RAE1: variants seen among roughly 807,000 people sequenced by gnomAD.
RAE1 encodes the protein ribonucleic acid export 1.
In RAE1, 13 loss-of-function variants were observed where a neutral mutation model predicts 52.7. The observed-to-expected ratio is 0.25, with a 90% CI of 0.16 to 0.39. RAE1 has a LOEUF of 0.39. Ranked by LOEUF, RAE1 falls within the 10% of genes least tolerant of loss-of-function variation. The pLI is 1.00. For missense variants in RAE1, 262 were observed against 459.8 expected, an observed-to-expected ratio of 0.57 and a Z score of 3.93; for synonymous variants, 164 against 153.1, an observed-to-expected ratio of 1.07 and a Z score of -0.52.
At chr20:57,362,495 G>A (rs969289914) in intron 4 of RAE1, among the ~76,000 whole-genome samples, 5 of 152,154 alleles carry the variant, frequency 3.3e-5, no homozygotes, top group Non-Finnish European at 5.9e-5. Context: ...TTTACTGATC[G>A]GGCAACGGGT....
In RAE1 at chr20:57,378,003, C is replaced by T. The variant is rs200166954; in HGVS notation, c.1021-10C>T. 66 of 1,573,098 alleles carry T rather than the reference C, an allele frequency of 4.2e-5. No individual in the cohort carries two copies. The Middle Eastern group carries it at 2.0e-3, about 48-fold the overall frequency. On this transcript the variant is annotated splice_polypyrimidine_tract_variant and intron_variant, in intron 11 of 11. Coordinates refer to ENST00000395841, the MANE Select transcript of RAE1 (RefSeq NM_003610.4). ...ATAATAAGATCATTGGTGTTTTTTG[C>T]TCTCTTTAGGGACATGAATTTTATA...
intron 8 of RAE1, chr20:57,371,575 G>A (rs1457161366): frequency 1.3e-5 from 2 of 152,160 alleles, no homozygotes; most frequent in African/African-American, 4.8e-5. Context: ...CGCTGGGGAG[G>A]GTGTGGGGAA....
chr20:57,351,775 C>A (rs978395188), intron 1 of RAE1: 80 of 985,358 alleles, frequency 8.1e-5, no homozygotes, highest in Non-Finnish European at 8.4e-5. Context: ...GAAGGGCGTC[C>A]CCTTTTAGCC....
intron 1 of RAE1, chr20:57,351,952 C>T (rs2066716499): frequency 3.0e-6 from 3 of 985,344 alleles, no homozygotes; most frequent in Non-Finnish European, 2.4e-6. Context: ...CGCCCTGGGC[C>T]AGGCATTGTA....
At chr20:57,355,016 A>T (rs1247401498) in intron 3 of RAE1, among the ~76,000 whole-genome samples, 200 bp downstream of exon 3, 1 of 152,200 alleles carries the variant, frequency 6.6e-6, no homozygotes, top group Non-Finnish European at 1.5e-5. Flanking sequence ...AAGCACAATC[A>T]TATGTGTTGC....
intron 11 of RAE1, 59 bp downstream of exon 11, chr20:57,374,860 C>T: frequency 1.9e-6 from 3 of 1,590,698 alleles, no homozygotes. Context: ...GCTCTGGGTT[C>T]AGAAGGCCTA....
intron 4 of RAE1, among the ~76,000 whole-genome samples, chr20:57,364,914 A>G (rs2066934414): frequency 6.6e-6 from 1 of 152,214 alleles, no homozygotes; most frequent in African/African-American, 2.4e-5. Flanking sequence ...TTGTATATAG[A>G]GAGAAAGATA....
chr20:57,368,252 A>T (rs2146163793), intron 7 of RAE1, among the ~76,000 whole-genome samples: 1 of 152,332 alleles, frequency 6.6e-6, no homozygotes, highest in South Asian at 2.1e-4. Flanking sequence ...GACACAGATA[A>T]ATAAACCCTG....
chr20:57,373,757 T>C lies in RAE1; in HGVS notation c.825+19T>C, dbSNP rs372001345. 2 of 1,603,972 alleles carry C rather than the reference T, an allele frequency of 1.2e-6. No homozygotes were observed. The highest frequency in any genetic ancestry group is 1.7e-4 in the Middle Eastern group (1 of 6,042). Reference sequence around the variant, plus strand: ...TTATGCGGTACGTTTTTAGACACTTTAACCGTGGTAATACATCTGGAAACC... The same window carrying C: ...TTATGCGGTACGTTTTTAGACACTTCAACCGTGGTAATACATCTGGAAACC... On this transcript the variant is annotated intron_variant, in intron 10 of 11. Coordinates refer to ENST00000395841, the MANE Select transcript of RAE1 (RefSeq NM_003610.4).
chr20:57,354,904 G>C (rs1459780168), intron 3 of RAE1, 88 bp downstream of exon 3: 2 of 980,890 alleles, frequency 2.0e-6, no homozygotes, highest in Non-Finnish European at 2.9e-6. Flanking sequence ...CCAAGTAAAT[G>C]AATCAGTTGG....
chr20:57,363,147 T>G (rs563476358), intron 4 of RAE1, among the ~76,000 whole-genome samples: 31 of 152,338 alleles, frequency 2.0e-4, no homozygotes, highest in African/African-American at 7.2e-4. Flanking sequence ...CTCATCCAAT[T>G]GAGGCCTGGG....
chr20:57,358,321 T>G (rs1332905088), intron 4 of RAE1: 1 of 152,264 alleles, frequency 6.6e-6, no homozygotes, highest in African/African-American at 2.4e-5. Context: ...AGGAACGCTA[T>G]CGCGATAAGA....
chr20:57,373,044 C>T (rs554935848), intron 8 of RAE1: 7 of 217,836 alleles, frequency 3.2e-5, no homozygotes, highest in African/African-American at 1.4e-4. Flanking sequence ...CACCCTGTTA[C>T]CCTGTGAGAC....
At chr20:57,370,210 G>GC (rs1344075186) in intron 8 of RAE1, among the ~76,000 whole-genome samples, 2 of 152,048 alleles carry the variant, frequency 1.3e-5, no homozygotes, top group African/African-American at 2.4e-5. Flanking sequence ...TGAGACCTTT[G>GC]CCCCCCATTG....
chr20:57,378,267 C>G lies in RAE1; in HGVS notation c.*168C>G, dbSNP rs2067144703. The G allele has an allele frequency of 5.2e-6, 3 of 572,168 alleles. No homozygotes were observed. The East Asian group carries it at 8.5e-5, about 16-fold the overall frequency. The allele number at this position is 572,168 out of a possible 1,614,324, so 35.4% of individuals were successfully genotyped here. A position where few individuals can be genotyped will look rare whatever the true frequency, so the allele number is the denominator to read the frequency against. On this transcript the variant is annotated 3_prime_UTR_variant, in exon 12 of 12. Transcript: ENST00000395841. ...CTGAGAGCCCAGGCGTCCGCGGCGA[C>G]TTGCCGTCTCTCCATTCCACTGCCT...
intron 4 of RAE1, among the ~76,000 whole-genome samples, chr20:57,360,492 G>C (rs780857515): frequency 5.9e-5 from 9 of 152,182 alleles, no homozygotes; most frequent in Non-Finnish European, 1.3e-4. Flanking sequence ...GCACCACCAA[G>C]TCCTTTGAGT....
chr20:57,354,910 G>A (rs2066762300), intron 3 of RAE1, 94 bp downstream of exon 3: 1 of 937,740 alleles, frequency 1.1e-6, no homozygotes, highest in Non-Finnish European at 1.6e-6. Context: ...AAATGAATCA[G>A]TTGGACTTAT....
intron 4 of RAE1, among the ~76,000 whole-genome samples, chr20:57,363,615 G>T (rs2066917719): frequency 6.6e-6 from 1 of 152,182 alleles, no homozygotes; most frequent in South Asian, 2.1e-4. Flanking sequence ...AGTACAGTGA[G>T]CTATGATTGC....
At chr20:57,373,793 G>T in intron 10 of RAE1, 55 bp downstream of exon 10, 1 of 1,542,074 alleles carries the variant, frequency 6.5e-7, no homozygotes, top group Non-Finnish European at 9.0e-7. Context: ...AGACTTGGAG[G>T]TGGCTGAGGA....
Sources: allele counts gnomAD v4.1 joint callset (sites outside exome capture counted in the v4.1 genomes callset), GRCh38; gene constraint gnomAD v4.1.1; transcripts MANE v1.5; gene names NCBI Gene and HGNC (gene_info 2026-07-23, HGNC 2026-07-21).